Variants in ADGRV1 observed in about 807,000 individuals in gnomAD.
The protein encoded by ADGRV1 is G-protein coupled receptor 98.
A neutral mutation model predicts 596.2 loss-of-function variants in ADGRV1; 359 were observed. The observed-to-expected ratio is 0.60, with a 90% confidence interval of 0.55 to 0.66. ADGRV1 has a LOEUF of 0.66. Among genes scored for constraint, ADGRV1 ranks in the 30% least tolerant of loss-of-function variants. ADGRV1 has a pLI of 0.00. For synonymous variants in ADGRV1, 2,681 were observed against 2,679.2 expected, an observed-to-expected ratio of 1.00 and a Z score of -0.02; for missense variants, 7,274 against 7,575.6, an observed-to-expected ratio of 0.96 and a Z score of 1.48.
At chr5:91,135,385 C>G (rs1166950869) in intron 87 of ADGRV1, among the ~76,000 whole-genome samples, 1 of 152,124 alleles carries the variant, frequency 6.6e-6, no homozygotes, top group African/African-American at 2.4e-5. Flanking sequence ...TTCATCCCTT[C>G]CAACTATAGG....
intron 77 of ADGRV1, among the ~76,000 whole-genome samples, chr5:90,831,299 A>C (rs982981967): frequency 4.0e-5 from 6 of 151,800 alleles, no homozygotes; most frequent in African/African-American, 1.5e-4. Flanking sequence ...ACACACACAC[A>C]AAAACATAAG....
At chr5:90,819,381 A>G (rs1251340041) in intron 75 of ADGRV1, among the ~76,000 whole-genome samples, 5 of 151,482 alleles carry the variant, frequency 3.3e-5, no homozygotes, top group African/African-American at 1.2e-4. Context: ...TGGATTCATT[A>G]ATTTTTTGAA....
chr5:90,867,392 G>T lies in ADGRV1; in HGVS notation c.17856+3535G>T, dbSNP rs374469572. Among the ~76,000 whole-genome samples the T allele has an allele frequency of 2.0e-5, 3 of 152,174 alleles. No homozygotes were observed. In the South Asian group the frequency reaches 6.2e-4, roughly 32 times the overall value. On this transcript the variant is annotated intron_variant, in intron 83 of 89. Coordinates refer to ENST00000405460, the MANE Select transcript of ADGRV1 (RefSeq NM_032119.4). ...ATTAACCGCAAGACTATAGCTTAGG[G>T]GTCTATTCTCTGGAATTTAAAAAAG...
chr5:91,160,349 T>G (rs1384317421), intron 89 of ADGRV1, among the ~76,000 whole-genome samples: 5 of 152,138 alleles, frequency 3.3e-5, no homozygotes, highest in African/African-American at 4.8e-5. Flanking sequence ...AGGTGGAATT[T>G]TGAAAGATTT....
At position 90,672,451 on chromosome 5, in the gene ADGRV1, T is replaced by C. The variant is rs1772618191; in HGVS notation, c.4753-95T>C. The C allele has an allele frequency of 5.1e-6, 5 of 984,252 alleles. No individual in the cohort carries two copies. The Admixed American group carries it at 9.6e-5, about 19-fold the overall frequency. The allele number at this position is 984,252 out of a possible 1,614,324, so 61.0% of individuals were successfully genotyped here. A position where few individuals can be genotyped will look rare whatever the true frequency, so the allele number is the denominator to read the frequency against. On this transcript the variant is annotated intron_variant, in intron 21 of 89. Transcript: ENST00000405460. ...TTTAGAGAGGTAGAAAGTTGTAGAA[T>C]TAAGTTTATGGTAAAAGGATTTCAT...
chr5:90,690,268 A>G (rs949179130), intron 30 of ADGRV1, among the ~76,000 whole-genome samples, 192 bp downstream of exon 30: 8 of 152,194 alleles, frequency 5.3e-5, no homozygotes, highest in Non-Finnish European at 1.0e-4. Context: ...AATTAAATCA[A>G]TCTCTTAGCA....
chr5:90,643,852 G>A lies in ADGRV1; in HGVS notation c.2603G>A (p.Ser868Asn), dbSNP rs762446772. ...VVLSSHGERE[S>N]KLGSATIVNI... ...CTCAGCAGCCACGGAGAACGGGAAA[G>A]CAAGTTGGGAAGTGCCACCATTGTC... Residue 868 changes from serine to asparagine, a missense_variant, in exon 14 of 90, where the codon AGC becomes AAC. Physicochemically the swap from Ser to Asn is conservative, Grantham distance 46. Coordinates refer to ENST00000405460, the MANE Select transcript of ADGRV1 (RefSeq NM_032119.4). 1.2e-6 allele frequency: 2 copies of A among 1,611,226 alleles called. No homozygotes were observed. The highest frequency in any genetic ancestry group is 1.7e-6 in the Non-Finnish European group (2 of 1,178,368).
chr5:90,672,552 G>T lies in ADGRV1; in HGVS notation c.4759G>T (p.Glu1587Ter). The T allele has an allele frequency of 6.2e-7, 1 of 1,613,140 alleles. No homozygotes were observed. Among genetic ancestry groups the T allele is most frequent in the South Asian group, 1.1e-5 (1 of 90,980 alleles). The change falls in exon 22 of 90, where the codon GAG becomes TAG. Residue 1587 changes from glutamate (E) to a stop codon, truncating the protein, a stop_gained. Coordinates refer to ENST00000405460, the MANE Select transcript of ADGRV1 (RefSeq NM_032119.4). LOFTEE classifies it high-confidence loss of function. ...AATTTACATTCAATTTCAGATTGCA[G>T]AGGAGGGATCAACCATTTCTTGTGT... ...FTGACIPEIAEEGSTISCVVE... is the reference protein window; with the variant it reads ...FTGACIPEIA
chr5:91,150,229 C>A lies in ADGRV1; in HGVS notation c.18624+8C>A. 1 of 1,520,456 alleles carries A rather than the reference C, an allele frequency of 6.6e-7. No homozygotes were observed. The highest frequency in any genetic ancestry group is 8.8e-7 in the Non-Finnish European group (1 of 1,133,020). The allele number at this position is 1,520,456 out of a possible 1,614,324, so 94.2% of individuals were successfully genotyped here. On this transcript the variant is annotated splice_region_variant and intron_variant, in intron 88 of 89. Coordinates refer to ENST00000405460, the MANE Select transcript of ADGRV1 (RefSeq NM_032119.4). Reference sequence around the variant, plus strand: ...ATCGGTGCTATGGAGGAGGTGTCTGCCCTTGCCCTTTCATTCTCTGTCTCT... The same window carrying A: ...ATCGGTGCTATGGAGGAGGTGTCTGACCTTGCCCTTTCATTCTCTGTCTCT...
chr5:90,941,787 C>T (rs1776185792), intron 83 of ADGRV1, among the ~76,000 whole-genome samples: 1 of 152,164 alleles, frequency 6.6e-6, no homozygotes, highest in Non-Finnish European at 1.5e-5. Flanking sequence ...TTAGTAGATG[C>T]TATCCAGAAT....
chr5:90,823,296 C>G (rs1763764478), intron 75 of ADGRV1, 129 bp from the exon 76 acceptor site: 1 of 900,110 alleles, frequency 1.1e-6, no homozygotes. Context: ...AAAGTAAGTG[C>G]TATACTTTGG....
intron 17 of ADGRV1, among the ~76,000 whole-genome samples, chr5:90,650,258 T>A (rs1768396929): frequency 6.6e-6 from 1 of 152,224 alleles, no homozygotes; most frequent in Non-Finnish European, 1.5e-5. Flanking sequence ...CCTTGTTAAA[T>A]ATTGCTAGTT....
At position 90,652,472 on chromosome 5, in the gene ADGRV1, A is replaced by T; in HGVS notation, c.3543A>T (p.Gly1181=). The part of the protein sequence containing the change: ...ETSGTVNFMD[G]EEAKPIILHA... ...CAGGAACTGTTAACTTCATGGATGG[A>T]GAAGAAGCAAAACCAATCATTCTCC... The change falls in exon 19 of 90, where the codon GGA becomes GGT. Residue 1181 remains glycine (G), a synonymous_variant. Transcript: ENST00000405460. 6.2e-7 allele frequency: 1 copy of T among 1,613,558 alleles called. No individual in the cohort carries two copies. The highest frequency in any genetic ancestry group is 1.3e-5 in the African/African-American group (1 of 75,038).
Position 90,716,649 on chromosome 5 carries a change from G to A in ADGRV1, c.9367G>A (p.Glu3123Lys). ...AGTGACAGTTCAGTTCATTGTGACA[G>A]AAGTGAATTCCTCAAATGAATCTAA... ...GTVTVQFIVT[E>K]VNSSNESKDL... is the part of the protein sequence containing the mutation. The change falls in exon 43 of 90, where the codon GAA becomes AAA. Residue 3123 changes from glutamate to lysine, a missense_variant. Physicochemically the swap from Glu to Lys is moderately conservative, Grantham distance 56. Transcript: ENST00000405460. 1 of 1,613,352 alleles carries A rather than the reference G, an allele frequency of 6.2e-7. No individual in the cohort carries two copies. Among genetic ancestry groups the A allele is most frequent in the East Asian group, 2.2e-5 (1 of 44,856 alleles).
At position 90,745,185 on chromosome 5, in the gene ADGRV1, G is replaced by T. The variant is rs2149912254; in HGVS notation, c.10689G>T (p.Lys3563Asn). The change falls in exon 51 of 90, where the codon AAG (lysine) becomes AAT (asparagine). Residue 3563 changes from lysine (K) to asparagine (N), a missense_variant. Physicochemically the swap from Lys to Asn is moderately conservative, Grantham distance 94. This residue lies in a region of ADGRV1 where 3,643 missense variants were observed against 3,809.2 expected (regional missense o/e 0.96). Coordinates refer to ENST00000405460, the MANE Select transcript of ADGRV1 (RefSeq NM_032119.4). The part of the protein sequence containing the change: ...SVTVKSLNSS[K>N]NLIALVGAHS... ...CAGTAAAGTCCCTTAATTCAAGCAA[G>T]AATTTAATAGCTCTAGTGGGAGCTC... is the stretch of plus-strand genomic sequence containing the variant. 1.2e-6 allele frequency: 2 copies of T among 1,613,126 alleles called. No homozygotes were observed. The highest frequency in any genetic ancestry group is 1.3e-5 in the African/African-American group (1 of 75,026).
chr5:90,705,402 G>A lies in ADGRV1; in HGVS notation c.8389G>A (p.Val2797Ile), dbSNP rs763583088. 2.2e-5 allele frequency: 36 copies of A among 1,612,980 alleles called. 1 individual carries two copies. In the South Asian group the frequency reaches 3.6e-4, roughly 16 times the overall value. Reference protein sequence around the residue: ...VILYDVRTQGVPPAGIALLDA... With the variant: ...VILYDVRTQGIPPAGIALLDA... ...AGATTCCTGCCTGACATTTTTAGGAGTTCCACCAGCCGGAATCGCCCTGCT... is the reference window on the plus strand; with the variant it reads ...AGATTCCTGCCTGACATTTTTAGGAATTCCACCAGCCGGAATCGCCCTGCT... Residue 2797 changes from valine (V) to isoleucine (I), a missense_variant and splice_region_variant, in exon 37 of 90, where the codon GTT (valine) becomes ATT (isoleucine). Val to Ile is a conservative substitution (Grantham distance 29, BLOSUM62 3). Around this residue, in one of 5 missense-constraint regions of ADGRV1, gnomAD observed 3,643 missense variants for 3,809.2 expected, o/e 0.96. Transcript: ENST00000405460.
At chr5:90,760,914 CTA>C (rs1486872232) in intron 58 of ADGRV1, among the ~76,000 whole-genome samples, 1 of 152,188 alleles carries the variant, frequency 6.6e-6, no homozygotes, top group East Asian at 1.9e-4. Context: ...TACATGATAA[CTA>C]TGACATAATA....
At chr5:90,738,526 C>T (rs1028757481) in intron 50 of ADGRV1, among the ~76,000 whole-genome samples, 1 of 152,072 alleles carries the variant, frequency 6.6e-6, no homozygotes, top group African/African-American at 2.4e-5. Flanking sequence ...TAGCTTTTGT[C>T]TGGGAAAAAT....
intron 87 of ADGRV1, among the ~76,000 whole-genome samples, chr5:91,140,499 TA>T (rs1349329301): frequency 6.6e-6 from 1 of 152,218 alleles, no homozygotes; most frequent in Admixed American, 6.5e-5. Context: ...TGTAATTTTT[TA>T]AAAAAATTCC....
Sources: allele counts gnomAD v4.1 joint callset (sites outside exome capture counted in the v4.1 genomes callset), GRCh38; gene constraint gnomAD v4.1.1; regional missense constraint gnomAD v4.1.1; transcripts MANE v1.5; gene names NCBI Gene and HGNC (gene_info 2026-07-23, HGNC 2026-07-21).